RBFOX2: variants seen among roughly 807,000 people sequenced by gnomAD.
RBFOX2 encodes RNA binding fox-1 homolog 2.
Under a neutral mutation model 49.1 loss-of-function variants are expected in RBFOX2, and 10 were observed. The ratio of observed to expected loss-of-function variants is 0.20; its 90% confidence interval spans 0.13 to 0.35. The LOEUF is 0.35. Ranked by LOEUF, RBFOX2 falls within the 10% of genes least tolerant of loss-of-function variation. RBFOX2 has a pLI of 1.00. For missense variants in RBFOX2, 323 were observed against 486.9 expected, an observed-to-expected ratio of 0.66 and a Z score of 3.17; for synonymous variants, 183 against 187.4, an observed-to-expected ratio of 0.98 and a Z score of 0.19.
chr22:35,885,655 G>C (rs537481461), intron 1 of RBFOX2, among the ~76,000 whole-genome samples: 2 of 152,074 alleles, frequency 1.3e-5, no homozygotes, highest in East Asian at 1.9e-4. Flanking sequence ...AGTTATTTTA[G>C]GGAATGAAAG....
chr22:35,892,376 A>C (rs921886765), intron 1 of RBFOX2, among the ~76,000 whole-genome samples: 3 of 152,230 alleles, frequency 2.0e-5, no homozygotes, highest in Non-Finnish European at 4.4e-5. Flanking sequence ...GGATGACTCA[A>C]CAGGAAAGCG....
upstream of RBFOX2, among the ~76,000 whole-genome samples, chr22:35,963,601 G>A (rs1162278091): frequency 6.6e-6 from 1 of 152,098 alleles, no homozygotes; most frequent in Non-Finnish European, 1.5e-5. Flanking sequence ...TAGACTAAGT[G>A]GAAAGTTGCA....
intron 2 of RBFOX2, among the ~76,000 whole-genome samples, chr22:35,805,906 T>C (rs1950641139): frequency 6.6e-6 from 1 of 152,132 alleles, no homozygotes; most frequent in Admixed American, 6.6e-5. Flanking sequence ...GGATTACAAC[T>C]ACATGAAATC....
chr22:35,808,757 G>A (rs1226156886), intron 2 of RBFOX2, among the ~76,000 whole-genome samples: 1 of 152,140 alleles, frequency 6.6e-6, no homozygotes. Context: ...GCTGAGGCAG[G>A]AGGATCACTT....
upstream of RBFOX2, among the ~76,000 whole-genome samples, chr22:35,940,701 T>G (rs927568360): frequency 6.6e-6 from 1 of 152,140 alleles, no homozygotes; most frequent in African/African-American, 2.4e-5. Flanking sequence ...TGTCCGTCGA[T>G]TGATGAATGG....
At chr22:35,953,745 G>A (rs551495446) in intron 1 of RBFOX2, among the ~76,000 whole-genome samples, 1 of 152,140 alleles carries the variant, frequency 6.6e-6, no homozygotes, top group East Asian at 1.9e-4. Flanking sequence ...GTTGTTATTT[G>A]AATAAGTACT....
chr22:35,969,065 C>A (rs2056726235), intron 1 of RBFOX2, among the ~76,000 whole-genome samples: 1 of 152,154 alleles, frequency 6.6e-6, no homozygotes, highest in Non-Finnish European at 1.5e-5. Flanking sequence ...GACAAGTGCA[C>A]ATCCCAAAGA....
intron 1 of RBFOX2, among the ~76,000 whole-genome samples, chr22:35,902,664 A>C (rs1197560355): frequency 2.0e-5 from 3 of 151,940 alleles, no homozygotes; most frequent in Non-Finnish European, 4.4e-5. Context: ...GTTTGTTTTG[A>C]GACAGGATCT....
upstream of RBFOX2, among the ~76,000 whole-genome samples, chr22:35,966,324 C>G (rs1345934647): frequency 1.3e-5 from 2 of 152,172 alleles, no homozygotes; most frequent in Non-Finnish European, 2.9e-5. Context: ...TCAGTGCACA[C>G]ATGTATACAT....
intron 9 of RBFOX2, chr22:35,747,818 G>A (rs1933338915): frequency 6.6e-6 from 1 of 152,070 alleles, no homozygotes; most frequent in African/African-American, 2.4e-5. Context: ...ATTTCTCATG[G>A]ATATCTGAAG....
intron 1 of RBFOX2, among the ~76,000 whole-genome samples, chr22:36,010,736 C>CACACGT (rs1569522946): frequency 2.1e-5 from 1 of 48,056 alleles, no homozygotes; most frequent in African/African-American, 1.2e-4. Flanking sequence ...GTTCAGTACA[C>CACACGT]ACACACACAC....
At chr22:35,744,515 A>C (rs1316986076) in intron 11 of RBFOX2, among the ~76,000 whole-genome samples, 1 of 152,262 alleles carries the variant, frequency 6.6e-6, no homozygotes, top group Non-Finnish European at 1.5e-5. Flanking sequence ...GAATTAGCAC[A>C]GAAGGGAAAC....
chr22:35,790,521 G>C (rs572915408), intron 2 of RBFOX2, among the ~76,000 whole-genome samples: 3 of 152,210 alleles, frequency 2.0e-5, no homozygotes, highest in African/African-American at 7.2e-5. Flanking sequence ...TAGAGAAAAA[G>C]ACATTACTGG....
intron 1 of RBFOX2, among the ~76,000 whole-genome samples, chr22:35,829,775 G>A (rs959878902): frequency 9.2e-5 from 14 of 152,190 alleles, no homozygotes; most frequent in African/African-American, 3.4e-4. Flanking sequence ...ACTTGCCATG[G>A]GTTGCCAATC....
chr22:35,932,345 A>G (rs2052527825), intron 1 of RBFOX2, among the ~76,000 whole-genome samples: 1 of 152,210 alleles, frequency 6.6e-6, no homozygotes, highest in Admixed American at 6.5e-5. Context: ...TCTTGAGGAA[A>G]GAAAATACTT....
At chr22:35,859,323 T>C (rs1408538354) in intron 1 of RBFOX2, among the ~76,000 whole-genome samples, 1 of 152,140 alleles carries the variant, frequency 6.6e-6, no homozygotes, top group Admixed American at 6.5e-5. Flanking sequence ...GGAACAACTT[T>C]TCAAGTGCAT....
intron 1 of RBFOX2, among the ~76,000 whole-genome samples, chr22:35,926,636 TAA>T (rs1471466808): frequency 2.0e-5 from 3 of 152,076 alleles, no homozygotes; most frequent in African/African-American, 7.2e-5. Flanking sequence ...AACTGCGGCA[TAA>T]AAGGCAAGAT....
chr22:35,768,203 G>A (rs1259249771), intron 5 of RBFOX2, 54 bp downstream of exon 6: 5 of 1,577,574 alleles, frequency 3.2e-6, no homozygotes, highest in Admixed American at 1.7e-5. Flanking sequence ...GAGGCAACAC[G>A]AAAAAAGAGA....
At chr22:35,801,401 C>G (rs972297371) in intron 2 of RBFOX2, among the ~76,000 whole-genome samples, 1 of 151,584 alleles carries the variant, frequency 6.6e-6, no homozygotes, top group African/African-American at 2.4e-5. Flanking sequence ...TATTGCTCAA[C>G]TGTTCAAACT....
Sources: allele counts gnomAD v4.1 joint callset (sites outside exome capture counted in the v4.1 genomes callset), GRCh38; gene constraint gnomAD v4.1.1; transcripts MANE v1.5; gene names NCBI Gene and HGNC (gene_info 2026-07-23, HGNC 2026-07-21).